ALMS1: variants seen among roughly 807,000 people sequenced by gnomAD.
ALMS1 encodes the protein ALMS1 centrosome and basal body associated protein.
Under a neutral mutation model 352.2 loss-of-function variants are expected in ALMS1, and 271 were observed. That is an observed-to-expected ratio of 0.77 (90% confidence interval 0.70 to 0.85). The LOEUF is 0.85. ALMS1 is among the 40% of genes least tolerant of loss of function. The pLI is 0.00. For missense variants in ALMS1, 5,445 were observed against 4,870.7 expected, an observed-to-expected ratio of 1.12 and a Z score of -3.51; for synonymous variants, 1,865 against 1,761.2, an observed-to-expected ratio of 1.06 and a Z score of -1.48.
At chr2:73,483,787 T>A (rs1159478549) in intron 9 of ALMS1, among the ~76,000 whole-genome samples, 3 of 147,582 alleles carry the variant, frequency 2.0e-5, no homozygotes, top group African/African-American at 7.6e-5. Context: ...TTTAGGATAG[T>A]TAGCTCTTCT....
intron 7 of ALMS1, among the ~76,000 whole-genome samples, chr2:73,438,320 C>A (rs757110196): frequency 1.3e-5 from 2 of 152,126 alleles, no homozygotes; most frequent in Non-Finnish European, 2.9e-5. Context: ...AAAGTAACTG[C>A]CAAGCTTCAT....
chr2:73,449,913 T>A lies in ALMS1; in HGVS notation c.3386T>A (p.Leu1129Gln), dbSNP rs2103778692. Residue 1129 changes from leucine (L) to glutamine (Q), a missense_variant, in exon 8 of 23, where the codon CTA becomes CAA. By Grantham distance (113) the Leu-to-Gln change is moderately radical. Coordinates refer to ENST00000613296, the MANE Select transcript of ALMS1 (RefSeq NM_001378454.1). ...CTGAAAATTTCAGTAGCTCCTGGAC[T>A]AGCAGACCAGAAGACTGGCACACCA... ...EALKISVAPG[L>Q]ADQKTGTPTV... The A allele has an allele frequency of 6.2e-7, 1 of 1,613,050 alleles. No homozygotes were observed.
At chr2:73,414,801 G>T (rs1438602014) in intron 2 of ALMS1, among the ~76,000 whole-genome samples, 1 of 151,662 alleles carries the variant, frequency 6.6e-6, no homozygotes, top group East Asian at 1.9e-4. Flanking sequence ...ATCAGAATTT[G>T]TAAGCTGTGG....
At chr2:73,590,622 G>A (rs1166174292) in intron 16 of ALMS1, among the ~76,000 whole-genome samples, 1 of 132,876 alleles carries the variant, frequency 7.5e-6, no homozygotes, top group Non-Finnish European at 1.7e-5. Flanking sequence ...ATTCATTTTT[G>A]TAAACATATT....
rs1236796186 is a variant in ALMS1 at position 73,448,087 on chromosome 2, G to T, written c.1560G>T (p.Leu520Phe). 1.3e-6 allele frequency: 2 copies of T among 1,588,684 alleles called. No homozygotes were observed. The highest frequency in any genetic ancestry group is 1.7e-6 in the Non-Finnish European group (2 of 1,173,076). The change falls in exon 8 of 23, where the codon TTG becomes TTT. Residue 520 changes from leucine (L) to phenylalanine (F), a missense_variant. Coordinates refer to ENST00000613296, the MANE Select transcript of ALMS1 (RefSeq NM_001378454.1). ...TGTCCCTTGAGGACCTGTCTCAGTTGGCTGTAAGTTCTCCTCTAGAAACTA... is the reference window on the plus strand; with the variant it reads ...TGTCCCTTGAGGACCTGTCTCAGTTTGCTGTAAGTTCTCCTCTAGAAACTA... Reference protein sequence around the residue: ...LSLSLEDLSQLAVSSPLETTT... With the variant: ...LSLSLEDLSQFAVSSPLETTT...
chr2:73,562,481 G>A (rs1674684588), intron 15 of ALMS1, among the ~76,000 whole-genome samples: 1 of 152,148 alleles, frequency 6.6e-6, no homozygotes, highest in Non-Finnish European at 1.5e-5. Context: ...AGTAGAAAAT[G>A]CTAAAAGACA....
At chr2:73,596,161 G>A (rs775208100) in intron 16 of ALMS1, among the ~76,000 whole-genome samples, 7 of 152,154 alleles carry the variant, frequency 4.6e-5, no homozygotes, top group Non-Finnish European at 8.8e-5. Flanking sequence ...TGTACTTGGG[G>A]TGTTATATTC....
At chr2:73,542,605 C>T (rs1474230520) in intron 12 of ALMS1, among the ~76,000 whole-genome samples, 1 of 152,110 alleles carries the variant, frequency 6.6e-6, no homozygotes, top group Non-Finnish European at 1.5e-5. Flanking sequence ...GATTGTATAT[C>T]TAGAAAACCC....
chr2:73,560,074 C>T (rs1230375951), intron 15 of ALMS1, among the ~76,000 whole-genome samples: 1 of 152,090 alleles, frequency 6.6e-6, no homozygotes, highest in Non-Finnish European at 1.5e-5. Flanking sequence ...ACAAAGTAGA[C>T]AAGAGTGTGA....
chr2:73,428,651 T>TA (rs761236229), intron 6 of ALMS1, among the ~76,000 whole-genome samples: 10 of 152,360 alleles, frequency 6.6e-5, no homozygotes, highest in Non-Finnish European at 1.5e-4. Context: ...AATCTGTCCT[T>TA]AAATATAGCC....
chr2:73,457,825 G>C (rs1251443938), intron 9 of ALMS1: 1 of 151,646 alleles, frequency 6.6e-6, no homozygotes, highest in Non-Finnish European at 1.5e-5. Flanking sequence ...TTGAGGTCAG[G>C]AGTTCGAGAC....
intron 15 of ALMS1, among the ~76,000 whole-genome samples, chr2:73,561,854 G>A (rs1197275448): frequency 6.6e-6 from 1 of 151,936 alleles, no homozygotes; most frequent in Non-Finnish European, 1.5e-5. Context: ...GCATACTCTA[G>A]AAGATAAGAA....
At position 73,451,812 on chromosome 2, in the gene ALMS1, CAG is replaced by C; in HGVS notation, c.5289_5290del (p.Lys1764AlafsTer2). ...GTAACTTCCTCTTTCTATTCACATA[CAG>C]AGAAGCCTAATATTTCTTACCAGCA... On this transcript the variant is annotated frameshift_variant, in exon 8 of 23. Coordinates refer to ENST00000613296, the MANE Select transcript of ALMS1 (RefSeq NM_001378454.1). LOFTEE classifies it high-confidence loss of function. 1 of 1,613,626 alleles carries C rather than the reference CAG, an allele frequency of 6.2e-7. No homozygotes were observed. Among genetic ancestry groups the C allele is most frequent in the South Asian group, 1.1e-5 (1 of 91,044 alleles).
intron 10 of ALMS1, among the ~76,000 whole-genome samples, chr2:73,511,944 A>C (rs1673462057): frequency 6.6e-6 from 1 of 152,238 alleles, no homozygotes; most frequent in Non-Finnish European, 1.5e-5. Flanking sequence ...TATATGTTTA[A>C]TTTTATAGGA....
At chr2:73,489,036 C>T (rs1672917998) in intron 9 of ALMS1, among the ~76,000 whole-genome samples, 1 of 152,138 alleles carries the variant, frequency 6.6e-6, no homozygotes, top group African/African-American at 2.4e-5. Context: ...TTGATGTCAT[C>T]CAGGGACCCA....
chr2:73,520,494 C>T (rs1020567211), intron 11 of ALMS1, among the ~76,000 whole-genome samples: 1 of 152,158 alleles, frequency 6.6e-6, no homozygotes, highest in Admixed American at 6.5e-5. Flanking sequence ...AAAGCAATCA[C>T]CAGAGACCCA....
intron 9 of ALMS1, among the ~76,000 whole-genome samples, chr2:73,475,072 A>T (rs1469211139): frequency 6.6e-6 from 1 of 152,148 alleles, no homozygotes; most frequent in East Asian, 1.9e-4. Flanking sequence ...TTGTAATGTG[A>T]ATCAGTACTT....
At chr2:73,597,774 C>T (rs529275794) in intron 16 of ALMS1, among the ~76,000 whole-genome samples, 1 of 151,836 alleles carries the variant, frequency 6.6e-6, no homozygotes. Context: ...GGAATCCTGA[C>T]ACAGAGCTTT....
At chr2:73,582,091 A>G (rs181686049) in intron 16 of ALMS1, among the ~76,000 whole-genome samples, 2 of 152,146 alleles carry the variant, frequency 1.3e-5, no homozygotes, top group African/African-American at 2.4e-5. Context: ...CATCCAGTAC[A>G]GTTTTTTTTA....
Sources: gnomAD v4.1 joint callset for allele counts (sites outside exome capture counted in the v4.1 genomes callset) on GRCh38, gnomAD v4.1.1 for gene constraint, MANE v1.5 for transcripts, NCBI Gene and HGNC (gene_info 2026-07-23, HGNC 2026-07-21) for gene names.